TCOF1: variants seen among roughly 807,000 people sequenced by gnomAD.
TCOF1 encodes treacle ribosome biogenesis factor 1, also known as treacle protein.
In TCOF1, 33 loss-of-function variants were observed where a neutral mutation model predicts 149.0. The ratio of observed to expected loss-of-function variants is 0.22; its 90% CI spans 0.17 to 0.30. The LOEUF (loss-of-function observed/expected upper bound fraction) is 0.30. TCOF1 is among the 10% of genes least tolerant of loss of function. TCOF1 has a pLI of 1.00. For synonymous variants in TCOF1, 789 were observed against 738.8 expected, an observed-to-expected ratio of 1.07 and a Z score of -1.10; for missense variants, 1,728 against 1,840.7, an observed-to-expected ratio of 0.94 and a Z score of 1.12.
chr5:150,381,032 T>A (rs1765053696), intron 17 of TCOF1, among the ~76,000 whole-genome samples: 1 of 151,630 alleles, frequency 6.6e-6, no homozygotes, highest in Non-Finnish European at 1.5e-5. Context: ...AAAAAAGAGA[T>A]GATAAATGTC....
intron 5 of TCOF1, 50 bp downstream of exon 5, chr5:150,368,952 G>A (rs1227433689): frequency 3.1e-6 from 5 of 1,603,502 alleles, no homozygotes; most frequent in East Asian, 2.2e-5. Context: ...TTGGGCTGGT[G>A]AGGCAGGCCT....
chr5:150,392,188 A>G lies in TCOF1; in HGVS notation c.3517+12A>G. 6.2e-7 allele frequency: 1 copy of G among 1,612,650 alleles called. No individual in the cohort carries two copies. The highest frequency in any genetic ancestry group is 8.5e-7 in the Non-Finnish European group (1 of 1,179,050). Reference sequence around the variant, plus strand: ...AGCCCACACGCTGGGTGAGGGTGCCAGGGGAAAGGCAAGGGTGGGCCAGGA... The same window carrying G: ...AGCCCACACGCTGGGTGAGGGTGCCGGGGGAAAGGCAAGGGTGGGCCAGGA... On this transcript the variant is annotated intron_variant, in intron 21 of 26. Transcript: ENST00000643257.
Position 150,396,633 on chromosome 5 carries a change from C to G in TCOF1, c.4136C>G (p.Ser1379Cys). 6.2e-7 allele frequency: 1 copy of G among 1,601,866 alleles called. No homozygotes were observed. The highest frequency in any genetic ancestry group is 2.2e-5 in the East Asian group (1 of 44,578). ...GGGGAAGGTGGGGAGGCCTCTGTTT[C>G]CCCAGAAAAGACCTCCACGACTTCC... ...GAGEGGEASVSPEKTSTTSKG... is the reference protein window; with the variant it reads ...GAGEGGEASVCPEKTSTTSKG... Residue 1379 changes from serine (S) to cysteine (C), a missense_variant, in exon 24 of 27, where the codon TCC (serine) becomes TGC (cysteine). Physicochemically the swap from Ser to Cys is moderately radical, Grantham distance 112. This residue lies in a region of TCOF1 where 1,696 missense variants were observed against 1,765.4 expected (regional missense o/e 0.96). Transcript: ENST00000643257.
chr5:150,387,566 G>A (rs1021052869), intron 17 of TCOF1, among the ~76,000 whole-genome samples: 1 of 152,224 alleles, frequency 6.6e-6, no homozygotes, highest in Non-Finnish European at 1.5e-5. Context: ...CATTCTGGCC[G>A]TGGCTTTGCT....
At chr5:150,393,303 C>T in intron 22 of TCOF1, 69 bp from the exon 23 acceptor site, 1 of 1,600,850 alleles carries the variant, frequency 6.2e-7, no homozygotes, top group Non-Finnish European at 8.5e-7. Context: ...CACAGCAGGC[C>T]ATGACTCGGG....
chr5:150,399,404 T>C (rs1769311426), intron 26 of TCOF1, among the ~76,000 whole-genome samples: 1 of 152,150 alleles, frequency 6.6e-6, no homozygotes, highest in Admixed American at 6.5e-5. Flanking sequence ...TTGTGAGCGG[T>C]TCATTTTCCT....
chr5:150,398,909 C>A, intron 25 of TCOF1, 113 bp from the exon 26 acceptor site: 2 of 1,488,592 alleles, frequency 1.3e-6, no homozygotes, highest in South Asian at 1.2e-5. Flanking sequence ...TTGGAGGTCG[C>A]TGCAGACCCA....
At chr5:150,395,660 C>T (rs962335168) in intron 23 of TCOF1, among the ~76,000 whole-genome samples, 7 of 152,246 alleles carry the variant, frequency 4.6e-5, no homozygotes, top group African/African-American at 1.7e-4. Flanking sequence ...CTTAGTCAGC[C>T]ACCACGTGTA....
At chr5:150,393,122 A>G in intron 22 of TCOF1, 2 of 594,352 alleles carry the variant, frequency 3.4e-6, no homozygotes, top group East Asian at 2.8e-5. Flanking sequence ...GTAATTTTCC[A>G]TTTGTATTAA....
chr5:150,359,347 A>G (rs1198311982), intron 1 of TCOF1, among the ~76,000 whole-genome samples: 3 of 142,710 alleles, frequency 2.1e-5, no homozygotes, highest in Admixed American at 1.4e-4. Context: ...ACTCCATCTC[A>G]AAAAAAAAAA....
chr5:150,388,216 C>T, intron 18 of TCOF1, 128 bp downstream of exon 18: 3 of 1,248,128 alleles, frequency 2.4e-6, no homozygotes, highest in Admixed American at 2.2e-5. Flanking sequence ...GGGGTCAGGT[C>T]TCTGGGCCCT....
At chr5:150,364,527 C>T (rs946014024) in intron 3 of TCOF1, among the ~76,000 whole-genome samples, 5 of 152,186 alleles carry the variant, frequency 3.3e-5, no homozygotes, top group African/African-American at 1.2e-4. Context: ...CTATTACAGG[C>T]TCCCAGGTGA....
At chr5:150,380,070 C>CAAAAAAAAA (rs1224924833) in intron 17 of TCOF1, 1 of 95,394 alleles carries the variant, frequency 1.0e-5, no homozygotes. Flanking sequence ...GAGACTGTCT[C>CAAAAAAAAA]AAAAAAAAAA....
intron 17 of TCOF1, among the ~76,000 whole-genome samples, chr5:150,386,603 A>G (rs1259583047): frequency 6.6e-6 from 1 of 150,632 alleles, no homozygotes; most frequent in African/African-American, 2.4e-5. Flanking sequence ...GGTAAACAGG[A>G]TGGTGAAACA....
intron 2 of TCOF1, among the ~76,000 whole-genome samples, chr5:150,362,689 T>A (rs2343811): frequency 1 from 151,891 of 152,268 alleles, 75,757 homozygotes; most frequent in Middle Eastern, 1. Context: ...AGCTAAGGTC[T>A]TTGAAAACCC....
In TCOF1 at chr5:150,370,655, C is replaced by G. The variant is rs372930003; in HGVS notation, c.639+1053C>G. Among the ~76,000 whole-genome samples the G allele has an allele frequency of 3.3e-3, 495 of 152,240 alleles. 3 individuals are homozygous for G. The highest frequency in any genetic ancestry group is 0.011 in the African/African-American group (463 of 41,536). On this transcript the variant is annotated intron_variant, in intron 6 of 26. Coordinates refer to ENST00000643257, the MANE Select transcript of TCOF1 (RefSeq NM_001371623.1). ...ACAGGCATGAGCCGCCACGCCTGGC[C>G]AAAACCTTGATCTTTAAATGAGAGG...
At position 150,388,058 on chromosome 5, in the gene TCOF1, G is replaced by A. The variant is rs368011460; in HGVS notation, c.3016G>A (p.Val1006Met). 2.4e-5 allele frequency: 38 copies of A among 1,613,454 alleles called. No homozygotes were observed. Among genetic ancestry groups the A allele is most frequent in the South Asian group, 1.1e-4 (10 of 91,058 alleles). Reference protein sequence around the residue: ...SSSSESEDEDVIPATQCLTPG... With the variant: ...SSSSESEDEDMIPATQCLTPG... ...CTCCTCCGAGAGCGAGGATGAGGAC[G>A]TGATCCCCGCTACACAGTGCTTGAC... Residue 1006 changes from valine to methionine, a missense_variant, in exon 18 of 27, where the codon GTG (valine) becomes ATG (methionine). Transcript: ENST00000643257.
rs374454783 is a variant in TCOF1 at position 150,361,140 on chromosome 5, C to T, written c.109-16C>T. ...TGCTGGGGATTAATTGTGGCTTTCT[C>T]TTTACCTCTCTGCAGAAGTGTTTCC... On this transcript the variant is annotated splice_polypyrimidine_tract_variant and intron_variant, in intron 1 of 26. Coordinates refer to ENST00000643257, the MANE Select transcript of TCOF1 (RefSeq NM_001371623.1). 1.5e-5 allele frequency: 24 copies of T among 1,614,020 alleles called. No individual in the cohort carries two copies. The South Asian group carries it at 2.1e-4, about 14-fold the overall frequency.
In TCOF1 at chr5:150,369,597, G is replaced by A. The variant is rs200204590; in HGVS notation, c.634G>A (p.Val212Met). 9.3e-6 allele frequency: 15 copies of A among 1,614,134 alleles called. No homozygotes were observed. The highest frequency in any genetic ancestry group is 1.6e-4 in the Middle Eastern group (1 of 6,062). ...CTCCAGCTCCAGTGATGAGACAGAC[G>A]TGGAGGTAATTGCCACCCATCCCTA... ...DTSSSSDETD[V>M]EGKPSVKPAQ... The change falls in exon 6 of 27, where the codon GTG (valine) becomes ATG (methionine). Residue 212 changes from valine to methionine, a missense_variant. Val to Met is a conservative substitution (Grantham distance 21, BLOSUM62 1). Coordinates refer to ENST00000643257, the MANE Select transcript of TCOF1 (RefSeq NM_001371623.1).
Sources: allele counts gnomAD v4.1 joint callset (sites outside exome capture counted in the v4.1 genomes callset), GRCh38; gene constraint gnomAD v4.1.1; regional missense constraint gnomAD v4.1.1; transcripts MANE v1.5; gene names NCBI Gene and HGNC (gene_info 2026-07-23, HGNC 2026-07-21).